FOXP2: variants seen among roughly 807,000 people sequenced by gnomAD.
FOXP2 encodes the protein forkhead box protein P2.
A neutral mutation model predicts 115.8 loss-of-function variants in FOXP2; 12 were observed. The ratio of observed to expected loss-of-function variants is 0.10; its 90% CI spans 0.07 to 0.17. The LOEUF is 0.17. Among genes scored for constraint, FOXP2 ranks in the 10% least tolerant of loss-of-function variants. The pLI is 1.00. For synonymous variants in FOXP2, 328 were observed against 297.7 expected, an observed-to-expected ratio of 1.10 and a Z score of -1.05; for missense variants, 629 against 843.5, an observed-to-expected ratio of 0.75 and a Z score of 3.15.
intron 2 of FOXP2, among the ~76,000 whole-genome samples, chr7:114,393,733 G>C (rs1003331078): frequency 1.3e-5 from 2 of 152,128 alleles, no homozygotes; most frequent in Non-Finnish European, 2.9e-5. Context: ...CCACATAAGA[G>C]AATAATGGAG....
intron 3 of FOXP2, among the ~76,000 whole-genome samples, chr7:114,620,113 G>T (rs1473259072): frequency 2.0e-5 from 3 of 151,930 alleles, no homozygotes; most frequent in Non-Finnish European, 4.4e-5. Flanking sequence ...AAAACTACCA[G>T]AAACAAACCA....
intron 2 of FOXP2, among the ~76,000 whole-genome samples, chr7:114,485,121 C>T (rs1324266331): frequency 6.6e-6 from 1 of 151,842 alleles, no homozygotes; most frequent in Non-Finnish European, 1.5e-5. Flanking sequence ...GCCCCAAATG[C>T]TGAATTTATA....
chr7:114,612,242 T>C (rs1020905157), intron 3 of FOXP2, among the ~76,000 whole-genome samples: 11 of 151,926 alleles, frequency 7.2e-5, no homozygotes, highest in African/African-American at 2.7e-4. Context: ...GGGAAGCAGC[T>C]CCTATATTAC....
intron 2 of FOXP2, among the ~76,000 whole-genome samples, chr7:114,502,653 A>G (rs1797618916): frequency 6.6e-6 from 1 of 152,032 alleles, no homozygotes; most frequent in African/African-American, 2.4e-5. Context: ...GATGAACTAA[A>G]CAGGCTGGTG....
At position 114,359,025 on chromosome 7, in the gene FOXP2, T is replaced by G. The variant is rs368292856; in HGVS notation, c.-10-67477T>G. On this transcript the variant is annotated intron_variant, in intron 2 of 17. Coordinates refer to the FOXP2 transcript ENST00000634411. Reference sequence around the variant, plus strand: ...CAATGAAGAAAATGTCTTCAGGGCTTATCAAAGGTCTTCACAGCAGCCCCT... The same window carrying G: ...CAATGAAGAAAATGTCTTCAGGGCTGATCAAAGGTCTTCACAGCAGCCCCT... Among the ~76,000 whole-genome samples the G allele has an allele frequency of 5.8e-4, 88 of 152,206 alleles. No homozygotes were observed. In the East Asian group the frequency reaches 0.014, roughly 24 times the overall value.
chr7:114,566,954 A>C (rs951682404), intron 3 of FOXP2, among the ~76,000 whole-genome samples: 10 of 152,000 alleles, frequency 6.6e-5, no homozygotes, highest in African/African-American at 2.4e-4. Context: ...TTTTCTTACA[A>C]GTCATTTCAC....
intron 1 of FOXP2, among the ~76,000 whole-genome samples, chr7:114,192,902 C>T (rs1007801135): frequency 6.6e-6 from 1 of 152,140 alleles, no homozygotes; most frequent in African/African-American, 2.4e-5. Flanking sequence ...GAGCTATGGA[C>T]TGTGTTCAAG....
intron 2 of FOXP2, among the ~76,000 whole-genome samples, chr7:114,298,171 A>G (rs1796790761): frequency 6.6e-6 from 1 of 152,162 alleles, no homozygotes; most frequent in Non-Finnish European, 1.5e-5. Flanking sequence ...TCCTTTAACA[A>G]TATATTCTAG....
intron 1 of FOXP2, among the ~76,000 whole-genome samples, chr7:114,263,813 A>G (rs1442776064): frequency 6.6e-6 from 1 of 151,646 alleles, no homozygotes; most frequent in Non-Finnish European, 1.5e-5. Context: ...TTATACTGGT[A>G]TACACTCTGT....
At chr7:114,577,959 T>C (rs2129299688) in intron 3 of FOXP2, among the ~76,000 whole-genome samples, 1 of 148,996 alleles carries the variant, frequency 6.7e-6, no homozygotes, top group South Asian at 2.1e-4. Flanking sequence ...TGTGCAATTG[T>C]AGAGAGAAAG....
At chr7:114,688,056 CA>C (rs930892686) in intron 16 of FOXP2, among the ~76,000 whole-genome samples, 20 of 150,336 alleles carry the variant, frequency 1.3e-4, no homozygotes, top group Non-Finnish European at 3.0e-4. Flanking sequence ...GATGAAACTG[CA>C]AAAGCCATTT....
chr7:114,214,191 T>C (rs1794429581), intron 1 of FOXP2, among the ~76,000 whole-genome samples: 1 of 152,216 alleles, frequency 6.6e-6, no homozygotes, highest in Non-Finnish European at 1.5e-5. Flanking sequence ...GATATCACTA[T>C]TCTTATTCCC....
intron 3 of FOXP2, chr7:114,570,705 A>G: frequency 1.1e-6 from 1 of 877,744 alleles, no homozygotes; most frequent in Non-Finnish European, 1.9e-6. Context: ...TACCAAGATA[A>G]TAATTCCAAA....
chr7:114,295,367 C>T (rs923058256), intron 2 of FOXP2, among the ~76,000 whole-genome samples: 52 of 152,094 alleles, frequency 3.4e-4, no homozygotes, highest in Non-Finnish European at 1.8e-4. Flanking sequence ...TATCATTTTC[C>T]AAAATGAGTT....
rs1489411645 is a variant in FOXP2, at chr7:114,689,874, TAGA to T, written c.2100_2102del (p.Glu700del). 28 of 1,613,376 alleles carry T rather than the reference TAGA, an allele frequency of 1.7e-5. No individual in the cohort carries two copies. The highest frequency in any genetic ancestry group is 2.2e-5 in the Non-Finnish European group (26 of 1,179,600). On this transcript the variant is annotated inframe_deletion, in exon 17 of 17. Coordinates refer to ENST00000350908, the MANE Select transcript of FOXP2 (RefSeq NM_014491.4). ...ACAACAGCTAATCACAGTCCAGAAT[TAGA>T]AGACGACAGAGAGATTGAAGAAGAG...
At position 114,690,061 on chromosome 7, in the gene FOXP2, C is replaced by T. The variant is rs1210384296; in HGVS notation, c.*135C>T. On this transcript the variant is annotated 3_prime_UTR_variant, in exon 17 of 17. Transcript: ENST00000350908. Reference sequence around the variant, plus strand: ...GATAAAGGAGACAGCCCTAAAGGAACTTACTAAGCCAGCCCTTTGGGATTC... The same window carrying T: ...GATAAAGGAGACAGCCCTAAAGGAATTTACTAAGCCAGCCCTTTGGGATTC... 1 of 1,043,600 alleles carries T rather than the reference C, an allele frequency of 9.6e-7. No homozygotes were observed. The highest frequency in any genetic ancestry group is 2.6e-5 in the East Asian group (1 of 39,194). 64.6% of individuals were successfully genotyped at this position (1,043,600 alleles called of 1,614,324 possible). A position where few individuals can be genotyped will look rare whatever the true frequency, so the allele number is the denominator to read the frequency against.
At chr7:114,391,595 G>A (rs1792603876) in intron 2 of FOXP2, among the ~76,000 whole-genome samples, 1 of 152,174 alleles carries the variant, frequency 6.6e-6, no homozygotes, top group South Asian at 2.1e-4. Context: ...CTTGTTCCAA[G>A]GTCTTGATAA....
At chr7:114,528,477 G>A (rs1002918628) in intron 2 of FOXP2, among the ~76,000 whole-genome samples, 1 of 151,946 alleles carries the variant, frequency 6.6e-6, no homozygotes, top group Non-Finnish European at 1.5e-5. Flanking sequence ...GCAGTGCTTT[G>A]TTCTTTGCTA....
chr7:114,396,411 T>C (rs1261544823), intron 2 of FOXP2, among the ~76,000 whole-genome samples: 1 of 152,134 alleles, frequency 6.6e-6, no homozygotes, highest in Non-Finnish European at 1.5e-5. Flanking sequence ...GGCACTTTGG[T>C]TGATTCTATG....
Sources: allele counts gnomAD v4.1 joint callset (sites outside exome capture counted in the v4.1 genomes callset), GRCh38; gene constraint gnomAD v4.1.1; transcripts MANE v1.5; gene names NCBI Gene and HGNC (gene_info 2026-07-23, HGNC 2026-07-21).